The following USP9X variants were observed in gnomAD, a reference collection of about 807,000 sequenced individuals.
USP9X encodes the protein ubiquitin carboxyl-terminal hydrolase 9X.
A neutral mutation model predicts 190.3 loss-of-function variants in USP9X; 7 were observed. That is an observed-to-expected ratio of 0.04 (90% CI 0.02 to 0.07). The LOEUF (loss-of-function observed/expected upper bound fraction) is 0.07, where lower values mean the gene tolerates loss of function less well. USP9X is among the 10% of genes least tolerant of loss of function. The pLI is 1.00. For missense variants in USP9X, 1,010 were observed against 1,916.9 expected, an observed-to-expected ratio of 0.53 and a Z score of 8.83; for synonymous variants, 645 against 659.5, an observed-to-expected ratio of 0.98 and a Z score of 0.34.
At chrX:41,199,751 A>C (rs1308362053) in intron 30 of USP9X, among the ~76,000 whole-genome samples, 1 of 111,933 alleles carries the variant, frequency 8.9e-6, no homozygotes, top group Non-Finnish European at 1.9e-5. Context: ...TTTAAGTTGC[A>C]TGTATTGGAA....
chrX:41,169,644 T>G (rs1446601620), intron 18 of USP9X, among the ~76,000 whole-genome samples: 1 of 110,134 alleles, frequency 9.1e-6, no homozygotes, highest in Non-Finnish European at 1.9e-5. Flanking sequence ...TTAGTAGAGA[T>G]GGAGTTTTAC....
intron 13 of USP9X, 117 bp downstream of exon 13, chrX:41,151,174 A>G (rs2062521615): frequency 5.5e-6 from 4 of 723,368 alleles, no homozygotes; most frequent in Non-Finnish European, 7.8e-6. Context: ...AGAAGAGGCT[A>G]TATAAGAAGT....
At position 41,198,242 on chromosome X, in the gene USP9X, C is replaced by T. The variant is rs2063006382; in HGVS notation, c.4381-286C>T. Among the ~76,000 whole-genome samples the T allele has an allele frequency of 3.6e-5, 4 of 111,715 alleles. No homozygotes were observed. In the South Asian group the frequency reaches 1.1e-3, roughly 31 times the overall value. Reference sequence around the variant, plus strand: ...TTCAAAATGGGTTTAATTTGCTATACACTTGATTAAAGGAGCAAACATTTA... The same window carrying T: ...TTCAAAATGGGTTTAATTTGCTATATACTTGATTAAAGGAGCAAACATTTA... On this transcript the variant is annotated intron_variant, in intron 29 of 44. Transcript: ENST00000378308.
chrX:41,216,695 T>C (rs373670836), intron 35 of USP9X, 43 bp downstream of exon 35: 35 of 1,121,694 alleles, frequency 3.1e-5, no homozygotes, highest in Non-Finnish European at 4.1e-5. Context: ...TAAAGAATAA[T>C]TTATAGTAGG....
intron 21 of USP9X, among the ~76,000 whole-genome samples, chrX:41,172,886 T>C (rs1352369840): frequency 8.9e-6 from 1 of 111,906 alleles, no homozygotes; most frequent in Non-Finnish European, 1.9e-5. Context: ...TTTCTATTCC[T>C]TTGCATGTGA....
intron 1 of USP9X, among the ~76,000 whole-genome samples, chrX:41,119,081 A>G (rs778191660): frequency 3.4e-4 from 38 of 111,889 alleles, no homozygotes; most frequent in Admixed American, 9.5e-4. Flanking sequence ...CACATACTCA[A>G]AAGCTTTGTA....
At chrX:41,140,591 C>CT (rs1224904240) in intron 6 of USP9X, 65 bp from the exon 7 acceptor site, 113 of 777,622 alleles carry the variant, frequency 1.5e-4, no homozygotes, top group Middle Eastern at 3.4e-4. Flanking sequence ...TTCAATAAGG[C>CT]TTTTTTTTCG....
chrX:41,188,046 T>C lies in USP9X; in HGVS notation c.3739T>C (p.Trp1247Arg), dbSNP rs760463657. The C allele has an allele frequency of 5.0e-6, 6 of 1,209,285 alleles. No individual in the cohort carries two copies. The highest frequency in any genetic ancestry group is 5.6e-6 in the Non-Finnish European group (5 of 893,503). Reference protein sequence around the residue: ...CVIRAIQKIIWASGCGSLQLV... With the variant: ...CVIRAIQKIIRASGCGSLQLV... ...AATTAGAGCTATACAAAAAATTATCTGGGCATCAGGATGTGGGTCGTTACA... is the reference window on the plus strand; with the variant it reads ...AATTAGAGCTATACAAAAAATTATCCGGGCATCAGGATGTGGGTCGTTACA... Residue 1247 changes from tryptophan to arginine, a missense_variant, in exon 25 of 45, where the codon TGG becomes CGG. Around this residue, in one of 11 missense-constraint regions of USP9X, gnomAD observed 351 missense variants for 480.8 expected, o/e 0.73. Transcript: ENST00000378308.
intron 21 of USP9X, among the ~76,000 whole-genome samples, chrX:41,183,718 C>T (rs770371779): frequency 8.9e-6 from 1 of 111,738 alleles, no homozygotes; most frequent in South Asian, 3.7e-4. Flanking sequence ...TTTCCATCTC[C>T]AGTGGCTGAG....
Position 41,232,597 on chromosome X carries a change from G to C in USP9X, c.*73G>C. ...ACAGTCCAACCTTTTTCTGTGTCTGGCTAATATTTAAAACTAGAAAAACTA... is the reference window on the plus strand; with the variant it reads ...ACAGTCCAACCTTTTTCTGTGTCTGCCTAATATTTAAAACTAGAAAAACTA... On this transcript the variant is annotated 3_prime_UTR_variant, in exon 45 of 45. Coordinates refer to ENST00000378308, the MANE Select transcript of USP9X (RefSeq NM_001039591.3). 1 of 1,105,951 alleles carries C rather than the reference G, an allele frequency of 9.0e-7. No individual in the cohort carries two copies. Among genetic ancestry groups the C allele is most frequent in the Non-Finnish European group, 1.2e-6 (1 of 829,712 alleles). The allele number at this position is 1,105,951 out of a possible 1,213,427, so 91.1% of individuals were successfully genotyped here. A position where few individuals can be genotyped will look rare whatever the true frequency, so the allele number is the denominator to read the frequency against.
intron 20 of USP9X, 90 bp from the exon 21 acceptor site, chrX:41,171,748 T>C: frequency 2.9e-6 from 3 of 1,028,419 alleles, no homozygotes; most frequent in Non-Finnish European, 1.4e-6. Context: ...AGTAAAAGTA[T>C]AGGGATTAAC....
At chrX:41,112,401 C>T (rs773092171) in intron 1 of USP9X, among the ~76,000 whole-genome samples, 13 of 111,885 alleles carry the variant, frequency 1.2e-4, no homozygotes, top group Admixed American at 1.1e-3. Flanking sequence ...AGAGTCTTAA[C>T]GGAAATTATT....
intron 37 of USP9X, 70 bp from the exon 38 acceptor site, chrX:41,219,032 C>T (rs2063237736): frequency 9.4e-7 from 1 of 1,068,088 alleles, no homozygotes; most frequent in Non-Finnish European, 1.3e-6. Flanking sequence ...ATGTGCATGT[C>T]CTTTTTATGC....
chrX:41,148,803 T>C (rs1569168620), intron 12 of USP9X, among the ~76,000 whole-genome samples: 1 of 112,138 alleles, frequency 8.9e-6, no homozygotes, highest in Non-Finnish European at 1.9e-5. Flanking sequence ...ACAGAACAGA[T>C]TATACAGTGG....
At chrX:41,100,478 C>CATAATTACT (rs2062026103) in intron 1 of USP9X, among the ~76,000 whole-genome samples, 1 of 111,359 alleles carries the variant, frequency 9.0e-6, no homozygotes, top group South Asian at 3.7e-4. Context: ...AGTAAATGAG[C>CATAATTACT]GCTCTACTGC....
chrX:41,227,075 T>TA (rs1282303901), intron 41 of USP9X, among the ~76,000 whole-genome samples: 6 of 112,493 alleles, frequency 5.3e-5, no homozygotes, highest in African/African-American at 1.9e-4. Flanking sequence ...ATGTGGGAAT[T>TA]ACACTTTTGT....
At chrX:41,159,326 G>A (rs1358184053) in intron 14 of USP9X, among the ~76,000 whole-genome samples, 1 of 111,283 alleles carries the variant, frequency 9.0e-6, no homozygotes, top group African/African-American at 3.3e-5. Flanking sequence ...AGAAATTGGA[G>A]CATTCATATA....
In USP9X at chrX:41,234,446, G is replaced by A. The variant is rs2063386397; in HGVS notation, c.*1922G>A. 1 of 112,422 alleles carries A rather than the reference G, an allele frequency of 8.9e-6. No homozygotes were observed. Among genetic ancestry groups the A allele is most frequent in the Non-Finnish European group, 1.9e-5 (1 of 53,283 alleles). The allele number at this position is 112,422 out of a possible 1,213,427, so 9.3% of individuals were successfully genotyped here. A position where few individuals can be genotyped will look rare whatever the true frequency, so the allele number is the denominator to read the frequency against. ...CTTTGGGTATCTTATTTGTAGTACT[G>A]TATAGTCAACCTGTGCTTCTAGGTG... On this transcript the variant is annotated 3_prime_UTR_variant, in exon 45 of 45. Transcript: ENST00000378308.
At chrX:41,186,423 G>A (rs1362396716) in intron 23 of USP9X, 94 bp from the exon 24 acceptor site, 3 of 1,024,881 alleles carry the variant, frequency 2.9e-6, no homozygotes, top group South Asian at 2.0e-5. Context: ...CAAGGAAGTC[G>A]TTCTGCAGGA....
Sources: allele counts gnomAD v4.1 joint callset (sites outside exome capture counted in the v4.1 genomes callset), GRCh38; gene constraint gnomAD v4.1.1; regional missense constraint gnomAD v4.1.1; transcripts MANE v1.5; gene names NCBI Gene and HGNC (gene_info 2026-07-23, HGNC 2026-07-21).